CPPED1: variants seen among roughly 807,000 people sequenced by gnomAD.
The protein encoded by CPPED1 is serine/threonine-protein phosphatase CPPED1.
A neutral mutation model predicts 28.0 loss-of-function variants in CPPED1; 28 were observed. The observed-to-expected ratio is 1.00, with a 90% CI of 0.74 to 1.37. CPPED1 has a LOEUF of 1.37. CPPED1 is among the 40% of genes most tolerant of loss of function. CPPED1 has a pLI of 0.00. For synonymous variants in CPPED1, 198 were observed against 180.2 expected, an observed-to-expected ratio of 1.10 and a Z score of -0.79; for missense variants, 504 against 416.5, an observed-to-expected ratio of 1.21 and a Z score of -1.83.
intron 2 of CPPED1, among the ~76,000 whole-genome samples, chr16:12,741,643 T>C (rs1021929224): frequency 1.3e-5 from 2 of 152,222 alleles, no homozygotes; most frequent in Admixed American, 1.3e-4. Context: ...TGTTAGGGTT[T>C]GATGAGATGG....
At chr16:12,665,247 A>G (rs2079819388) in intron 3 of CPPED1, 132 bp from the exon 4 acceptor site, 1 of 777,660 alleles carries the variant, frequency 1.3e-6, no homozygotes, top group East Asian at 3.2e-5. Flanking sequence ...TTATCATATT[A>G]AATGTATAAT....
At chr16:12,707,551 A>AT (rs1464436791) in intron 2 of CPPED1, among the ~76,000 whole-genome samples, 2 of 152,122 alleles carry the variant, frequency 1.3e-5, no homozygotes, top group Admixed American at 6.6e-5. Flanking sequence ...CCTGTTCTTG[A>AT]TTTTCAAAGT....
chr16:12,702,528 ACTCT>A (rs778076287), intron 3 of CPPED1, among the ~76,000 whole-genome samples: 4 of 147,912 alleles, frequency 2.7e-5, no homozygotes, highest in South Asian at 2.2e-4. Flanking sequence ...ACAAAGCAAG[ACTCT>A]CAATCAATCA....
At chr16:12,688,171 C>A (rs780424424) in intron 3 of CPPED1, among the ~76,000 whole-genome samples, 1 of 151,780 alleles carries the variant, frequency 6.6e-6, no homozygotes, top group Non-Finnish European at 1.5e-5. Flanking sequence ...GCTGGGACTA[C>A]AGGTGCACAC....
At chr16:12,726,139 T>A (rs1258831922) in intron 2 of CPPED1, among the ~76,000 whole-genome samples, 1 of 151,298 alleles carries the variant, frequency 6.6e-6, no homozygotes, top group Non-Finnish European at 1.5e-5. Flanking sequence ...CCTCCTGGGT[T>A]CAAACGATCC....
intron 2 of CPPED1, among the ~76,000 whole-genome samples, chr16:12,739,016 G>A (rs115778281): frequency 0.01 from 1,549 of 152,278 alleles, 30 homozygotes; most frequent in African/African-American, 0.035. Flanking sequence ...GGGTGAGTGG[G>A]TTTGGGAGGG....
intron 2 of CPPED1, among the ~76,000 whole-genome samples, chr16:12,713,890 C>T (rs1390657787): frequency 3.3e-5 from 5 of 152,206 alleles, no homozygotes; most frequent in African/African-American, 9.6e-5. Flanking sequence ...GGGACATTCT[C>T]ACCACCCCAA....
chr16:12,691,427 T>G (rs903789764), intron 3 of CPPED1, among the ~76,000 whole-genome samples: 1 of 152,052 alleles, frequency 6.6e-6, no homozygotes, highest in Non-Finnish European at 1.5e-5. Context: ...AGGCATGAAG[T>G]AGAAACACAA....
At position 12,774,416 on chromosome 16, in the gene CPPED1, C is replaced by A. The variant is rs374012555; in HGVS notation, c.289+6769G>T. ...CCGGGAGGCAGAGGTTGCAGTGAGCCGAGATCATGCCACTGCACTCCAGCC... is the reference window on the plus strand; with the variant it reads ...CCGGGAGGCAGAGGTTGCAGTGAGCAGAGATCATGCCACTGCACTCCAGCC... On this transcript the variant is annotated intron_variant, in intron 2 of 3. Transcript: ENST00000381774. Among the ~76,000 whole-genome samples, 8 of 151,466 alleles carry A rather than the reference C, an allele frequency of 5.3e-5. No homozygotes were observed. In the South Asian group the frequency reaches 1.7e-3, roughly 32 times the overall value.
chr16:12,755,945 C>A (rs1220989620), intron 2 of CPPED1, among the ~76,000 whole-genome samples: 3 of 152,088 alleles, frequency 2.0e-5, no homozygotes, highest in Admixed American at 1.3e-4. Flanking sequence ...TCCTGGCTAA[C>A]ACGGTGAAAA....
chr16:12,794,614 T>A (rs1383254961), intron 1 of CPPED1, among the ~76,000 whole-genome samples: 1 of 152,142 alleles, frequency 6.6e-6, no homozygotes, highest in Non-Finnish European at 1.5e-5. Flanking sequence ...CATTTGCATA[T>A]GCAAACTGGT....
chr16:12,769,236 C>T (rs2080456385), intron 2 of CPPED1, among the ~76,000 whole-genome samples: 1 of 143,320 alleles, frequency 7.0e-6, no homozygotes, highest in African/African-American at 2.4e-5. Flanking sequence ...TATAATAGAC[C>T]AACACATGAA....
intron 3 of CPPED1, 98 bp from the exon 4 acceptor site, chr16:12,665,213 ATAT>A: frequency 1.0e-6 from 1 of 975,720 alleles, no homozygotes. Context: ...TATATTAAAT[ATAT>A]TATTATACCA....
chr16:12,681,074 C>G (rs147530370), intron 3 of CPPED1, among the ~76,000 whole-genome samples: 8 of 152,132 alleles, frequency 5.3e-5, no homozygotes, highest in African/African-American at 1.9e-4. Context: ...CCAGCTCATA[C>G]TCTAAAACCT....
chr16:12,732,930 G>A (rs1465544447), intron 2 of CPPED1, among the ~76,000 whole-genome samples: 1 of 152,180 alleles, frequency 6.6e-6, no homozygotes, highest in Non-Finnish European at 1.5e-5. Flanking sequence ...AGCACAGATG[G>A]TTCCTAGACT....
chr16:12,781,316 T>A lies in CPPED1; in HGVS notation c.158A>T (p.Asp53Val). 6.2e-7 allele frequency: 1 copy of A among 1,614,062 alleles called. No individual in the cohort carries two copies. Among genetic ancestry groups the A allele is most frequent in the Non-Finnish European group, 8.5e-7 (1 of 1,180,016 alleles). The stretch of plus-strand genomic sequence containing the variant: ...CCATTCGTCACCGCCATTGTCACAG[T>A]CCCCAGTGGACCAGGCCTTGATCAG... Reference protein sequence around the residue: ...FGLIKAWSTGDCDNGGDEWEQ... With the variant: ...FGLIKAWSTGVCDNGGDEWEQ... The change falls in exon 2 of 4, where the codon GAC (aspartate) becomes GTC (valine). Residue 53 changes from aspartate to valine, a missense_variant. Coordinates refer to ENST00000381774, the MANE Select transcript of CPPED1 (RefSeq NM_018340.3).
intron 2 of CPPED1, among the ~76,000 whole-genome samples, chr16:12,763,659 A>G (rs1368929121): frequency 6.6e-6 from 1 of 152,206 alleles, no homozygotes; most frequent in Admixed American, 6.5e-5. Flanking sequence ...GAGAGATTAG[A>G]TAACTTGCCC....
At chr16:12,761,041 T>C (rs970779571) in intron 2 of CPPED1, 53 of 152,322 alleles carry the variant, frequency 3.5e-4, no homozygotes, top group African/African-American at 1.3e-3. Flanking sequence ...TTTCTCCAGT[T>C]TGCATGCAGC....
At chr16:12,718,936 C>G (rs2080122702) in intron 2 of CPPED1, among the ~76,000 whole-genome samples, 1 of 152,078 alleles carries the variant, frequency 6.6e-6, no homozygotes. Flanking sequence ...GCACTCCAGC[C>G]TGGGTGGCAG....
Sources: allele counts gnomAD v4.1 joint callset (sites outside exome capture counted in the v4.1 genomes callset), GRCh38; gene constraint gnomAD v4.1.1; transcripts MANE v1.5; gene names NCBI Gene and HGNC (gene_info 2026-07-23, HGNC 2026-07-21).